The following GPHN variants were observed in gnomAD, a reference collection of about 807,000 sequenced individuals.
The protein encoded by GPHN is gephyrin.
In GPHN, 17 loss-of-function variants were observed where a neutral mutation model predicts 95.5. That is an observed-to-expected ratio of 0.18 (90% CI 0.12 to 0.27). The LOEUF is 0.27. GPHN is among the 10% of genes least tolerant of loss of function. The probability of loss-of-function intolerance (pLI) is 1.00; values close to 1 mark genes in which losing one functional copy is unlikely to be tolerated. For missense variants in GPHN, 660 were observed against 978.1 expected, an observed-to-expected ratio of 0.67 and a Z score of 4.34; for synonymous variants, 320 against 322.5, an observed-to-expected ratio of 0.99 and a Z score of 0.08.
At chr14:67,620,875 T>C in the GPHN span, 1 of 1,613,758 alleles carries the variant, frequency 6.2e-7, no homozygotes. Context: ...TCTAATTGTG[T>C]AATTTGTGTG....
intron 1 of GPHN, among the ~76,000 whole-genome samples, chr14:66,593,009 G>A (rs2061822320): frequency 6.6e-6 from 1 of 152,202 alleles, no homozygotes; most frequent in South Asian, 2.1e-4. Context: ...GGACGTGGAT[G>A]AAGCTGGAAA....
chr14:66,873,227 C>T (rs142693763), intron 4 of GPHN, among the ~76,000 whole-genome samples: 2,171 of 152,262 alleles, frequency 0.014, 56 homozygotes, highest in Admixed American at 0.058. Flanking sequence ...CTGTGCATTC[C>T]GGCCCAGATA....
chr14:66,772,506 G>A (rs1357054596), intron 2 of GPHN, among the ~76,000 whole-genome samples: 1 of 152,196 alleles, frequency 6.6e-6, no homozygotes, highest in Non-Finnish European at 1.5e-5. Context: ...ATAATCACAT[G>A]AGCCTTAAAA....
the GPHN span, among the ~76,000 whole-genome samples, chr14:67,284,429 T>TAAAAA: frequency 2.2e-5 from 2 of 92,678 alleles, no homozygotes; most frequent in African/African-American, 1.3e-4. Context: ...CCCTATCTCT[T>TAAAAA]AAAAAAAAAA....
intron 1 of GPHN, among the ~76,000 whole-genome samples, chr14:66,677,643 C>A (rs996564465): frequency 1.3e-5 from 2 of 151,856 alleles, no homozygotes; most frequent in African/African-American, 4.8e-5. Context: ...TTTGAGAAGA[C>A]ACTTGATATA....
At chr14:67,440,160 T>A in the GPHN span, among the ~76,000 whole-genome samples, 1 of 152,194 alleles carries the variant, frequency 6.6e-6, no homozygotes, top group East Asian at 1.9e-4. Flanking sequence ...ATGAGAAGCA[T>A]CTGCATTTTC....
At chr14:67,057,449 G>T (rs1198931920) in intron 10 of GPHN, among the ~76,000 whole-genome samples, 1 of 151,798 alleles carries the variant, frequency 6.6e-6, no homozygotes, top group Non-Finnish European at 1.5e-5. Flanking sequence ...CTGTCAGAGG[G>T]TTGCAGGGAA....
chr14:66,579,049 T>C (rs772604206), intron 1 of GPHN, among the ~76,000 whole-genome samples: 1 of 151,858 alleles, frequency 6.6e-6, no homozygotes, highest in Non-Finnish European at 1.5e-5. Flanking sequence ...ATATAAAATG[T>C]AAATTTTGAC....
chr14:67,597,085 G>C, the GPHN span, among the ~76,000 whole-genome samples: 19 of 152,310 alleles, frequency 1.2e-4, no homozygotes, highest in East Asian at 3.7e-3. Flanking sequence ...CTCAAGCAAA[G>C]AATGATTTTT....
chr14:67,018,116 T>A (rs1594830561), intron 9 of GPHN, among the ~76,000 whole-genome samples: 1 of 152,242 alleles, frequency 6.6e-6, no homozygotes, highest in Middle Eastern at 3.4e-3. Flanking sequence ...TATTAACTCC[T>A]ATTCTATATT....
At chr14:67,620,798 G>A in the GPHN span, 3 of 1,234,748 alleles carry the variant, frequency 2.4e-6, no homozygotes, top group Non-Finnish European at 3.6e-6. Flanking sequence ...TGCTGTCACA[G>A]GTTTTCAGAG....
chr14:67,034,650 A>T (rs1053501191), intron 10 of GPHN, among the ~76,000 whole-genome samples: 1 of 152,176 alleles, frequency 6.6e-6, no homozygotes, highest in Non-Finnish European at 1.5e-5. Flanking sequence ...GGCCATAGTT[A>T]TATCAGACAA....
At chr14:67,700,353 T>A in the GPHN span, among the ~76,000 whole-genome samples, 1 of 151,996 alleles carries the variant, frequency 6.6e-6, no homozygotes, top group Non-Finnish European at 1.5e-5. Context: ...TGGAGGAAAA[T>A]GGTTTTGTTC....
chr14:67,463,377 C>T, the GPHN span, among the ~76,000 whole-genome samples: 11 of 152,310 alleles, frequency 7.2e-5, no homozygotes, highest in East Asian at 1.9e-4. Context: ...CGGTGGCTCA[C>T]GCCTGTAATC....
At chr14:67,347,517 C>A in the GPHN span, 4 of 681,122 alleles carry the variant, frequency 5.9e-6, no homozygotes, top group Non-Finnish European at 4.5e-6. Context: ...TTTTTTTTTT[C>A]TGAGACGGAG....
chr14:66,670,445 A>G (rs1220615558), intron 1 of GPHN, among the ~76,000 whole-genome samples: 5 of 152,178 alleles, frequency 3.3e-5, no homozygotes, highest in Non-Finnish European at 1.5e-5. Flanking sequence ...TACAATATTA[A>G]CTGGCTCTCT....
the GPHN span, among the ~76,000 whole-genome samples, chr14:67,468,910 A>T: frequency 6.7e-6 from 1 of 150,358 alleles, no homozygotes; most frequent in African/African-American, 2.5e-5. Flanking sequence ...TAATAATAAT[A>T]ATTTTTTTTA....
At chr14:67,526,558 G>A in the GPHN span, among the ~76,000 whole-genome samples, 1 of 152,184 alleles carries the variant, frequency 6.6e-6, no homozygotes, top group African/African-American at 2.4e-5. Context: ...TCCCTGAAAC[G>A]ACGCAAAATT....
chr14:67,506,925 A>G, the GPHN span, among the ~76,000 whole-genome samples: 1 of 152,214 alleles, frequency 6.6e-6, no homozygotes, highest in Non-Finnish European at 1.5e-5. Flanking sequence ...CAAAGGTTGC[A>G]GTGAGCTGAG....
Sources: gnomAD v4.1 joint callset for allele counts (sites outside exome capture counted in the v4.1 genomes callset) on GRCh38, gnomAD v4.1.1 for gene constraint, MANE v1.5 for transcripts, NCBI Gene and HGNC (gene_info 2026-07-23, HGNC 2026-07-21) for gene names.